CNST: variants seen among roughly 807,000 people sequenced by gnomAD.
CNST encodes the protein consortin.
In CNST, 39 loss-of-function variants were observed where a neutral mutation model predicts 72.4. The ratio of observed to expected loss-of-function variants is 0.54; its 90% CI spans 0.42 to 0.70. The LOEUF (loss-of-function observed/expected upper bound fraction) is 0.70. Among genes scored for constraint, CNST ranks in the 30% least tolerant of loss-of-function variants. The probability of loss-of-function intolerance (pLI) is 0.00; values close to 1 mark genes in which losing one functional copy is unlikely to be tolerated. For synonymous variants in CNST, 332 were observed against 320.1 expected (o/e 1.04, Z -0.40); for missense variants, 871 against 868.5 (o/e 1.00, Z -0.04).
chr1:246,616,387 G>GC (rs919049824), intron 2 of CNST, among the ~76,000 whole-genome samples: 8 of 151,590 alleles, frequency 5.3e-5, no homozygotes, highest in East Asian at 3.9e-4. Flanking sequence ...CACCCCCACT[G>GC]CCCCCCCAGA....
At chr1:246,662,120 AG>A (rs1361796519) in intron 10 of CNST, among the ~76,000 whole-genome samples, 7 of 152,226 alleles carry the variant, frequency 4.6e-5, no homozygotes, top group Admixed American at 2.6e-4. Context: ...CCTATTGAAA[AG>A]CGTGTCAGAT....
At chr1:246,571,499 A>G (rs964004887) in intron 1 of CNST, among the ~76,000 whole-genome samples, 2 of 152,236 alleles carry the variant, frequency 1.3e-5, no homozygotes, top group East Asian at 3.9e-4. Context: ...CATTTTGGAG[A>G]TGGAAACTTT....
At chr1:246,640,772 G>A (rs1035140074) in intron 6 of CNST, among the ~76,000 whole-genome samples, 1 of 152,032 alleles carries the variant, frequency 6.6e-6, no homozygotes. Flanking sequence ...CATGAGCATG[G>A]TGTCTTTATG....
rs142601412 is a variant in CNST, at chr1:246,575,225, C to T, written c.-52+8562C>T. 4.4e-3 allele frequency among the ~76,000 whole-genome samples: 667 copies of T among 152,236 alleles called. 3 individuals carry two copies. Among genetic ancestry groups the T allele is most frequent in the African/African-American group, 0.015 (638 of 41,528 alleles). ...GCCAGGCTGGTCTTGAACTCCTGAC[C>T]TCCTGACCTTTTGTCAAGTGTTCAG... is the stretch of plus-strand genomic sequence containing the variant. On this transcript the variant is annotated intron_variant, in intron 1 of 10. Coordinates refer to ENST00000366513, the MANE Select transcript of CNST (RefSeq NM_152609.3).
chr1:246,612,644 T>C (rs1187128512), intron 2 of CNST, among the ~76,000 whole-genome samples: 1 of 152,126 alleles, frequency 6.6e-6, no homozygotes, highest in Admixed American at 6.5e-5. Flanking sequence ...CCTAGCACTT[T>C]GGGAGGCCAA....
At chr1:246,661,939 C>T (rs1228899333) in intron 10 of CNST, among the ~76,000 whole-genome samples, 1 of 152,184 alleles carries the variant, frequency 6.6e-6, no homozygotes, top group Non-Finnish European at 1.5e-5. Flanking sequence ...GTGCTCACTT[C>T]TGTTTGCACT....
intron 2 of CNST, among the ~76,000 whole-genome samples, chr1:246,610,270 G>C (rs1324750188): frequency 6.6e-6 from 1 of 152,030 alleles, no homozygotes; most frequent in African/African-American, 2.4e-5. Flanking sequence ...AATGGAGCGA[G>C]ACTCCGTCGC....
chr1:246,644,388 C>CAAAAAA (rs58278885), intron 8 of CNST, among the ~76,000 whole-genome samples: 2 of 102,186 alleles, frequency 2.0e-5, no homozygotes, highest in Non-Finnish European at 1.9e-5. Flanking sequence ...ACTCTGTCTC[C>CAAAAAA]AAAAAAAAAA....
At position 246,647,811 on chromosome 1, in the gene CNST, A is replaced by G; in HGVS notation, c.1610A>G (p.Asp537Gly). ...GCCCCAGAGGAAAAGGGAGATAAAGACGACCAACTCAACAAAGAAACAGAA... is the reference window on the plus strand; with the variant it reads ...GCCCCAGAGGAAAAGGGAGATAAAGGCGACCAACTCAACAAAGAAACAGAA... ...CMAPEEKGDK[D>G]DQLNKETEDY... Residue 537 changes from aspartate to glycine, a missense_variant, in exon 9 of 11, where the codon GAC becomes GGC. By Grantham distance (94) the Asp-to-Gly change is moderately conservative. Coordinates refer to ENST00000366513, the MANE Select transcript of CNST (RefSeq NM_152609.3). 1.2e-6 allele frequency: 2 copies of G among 1,614,170 alleles called. No individual in the cohort carries two copies. Among genetic ancestry groups the G allele is most frequent in the South Asian group, 1.1e-5 (1 of 91,084 alleles).
chr1:246,612,124 G>A lies in CNST; in HGVS notation c.380-9305G>A, dbSNP rs75780599. 2.6e-5 allele frequency among the ~76,000 whole-genome samples: 4 copies of A among 152,326 alleles called. No homozygotes were observed. In the East Asian group the frequency reaches 7.7e-4, roughly 29 times the overall value. On this transcript the variant is annotated intron_variant, in intron 2 of 10. Coordinates refer to ENST00000366513, the MANE Select transcript of CNST (RefSeq NM_152609.3). ...GGGGAATGAAGAATTAGTATTTTAT[G>A]AGCACTGAGTTTCTCTTTGGGAATG...
intron 1 of CNST, among the ~76,000 whole-genome samples, chr1:246,585,664 TATACACACACACACACACACACAC>T (rs1265544340): frequency 0.032 from 1,281 of 39,624 alleles, 27 homozygotes; most frequent in South Asian, 0.054. Flanking sequence ...AAAAAAAAAA[TATACACACACACACACACACACAC>T]ACACACACAC....
chr1:246,644,873 C>T (rs1401823547), intron 8 of CNST, among the ~76,000 whole-genome samples: 1 of 152,174 alleles, frequency 6.6e-6, no homozygotes, highest in Non-Finnish European at 1.5e-5. Context: ...GGATGTGGCC[C>T]TCATTGCTCT....
chr1:246,627,447 C>CACAT (rs1664511958), intron 3 of CNST, among the ~76,000 whole-genome samples: 1 of 152,160 alleles, frequency 6.6e-6, no homozygotes, highest in Non-Finnish European at 1.5e-5. Flanking sequence ...TCTCAGGAAG[C>CACAT]CACTAGGTGA....
At position 246,591,733 on chromosome 1, in the gene CNST, G is replaced by C; in HGVS notation, c.171G>C (p.Ala57=). 1 of 1,614,194 alleles carries C rather than the reference G, an allele frequency of 6.2e-7. No individual in the cohort carries two copies. Residue 57 remains alanine (A), a synonymous_variant, in exon 2 of 11, where the codon GCG becomes GCC. Coordinates refer to ENST00000366513, the MANE Select transcript of CNST (RefSeq NM_152609.3). The part of the protein sequence containing the change: ...GHEHLTSSDS[A]MGKPQVSEQD... ...AGCATCTGACCAGCAGTGACAGTGC[G>C]ATGGGAAAGCCCCAAGTGTCTGAGC... is the stretch of plus-strand genomic sequence containing the variant.
chr1:246,593,001 T>C (rs1399512790), intron 2 of CNST, among the ~76,000 whole-genome samples: 2 of 152,224 alleles, frequency 1.3e-5, no homozygotes, highest in Non-Finnish European at 2.9e-5. Context: ...TACCACTTTT[T>C]ACCCAAGCCA....
intron 3 of CNST, among the ~76,000 whole-genome samples, chr1:246,626,443 G>A (rs1042422859): frequency 2.2e-5 from 3 of 135,290 alleles, no homozygotes; most frequent in African/African-American, 8.1e-5. Flanking sequence ...CAATCCTGTA[G>A]GTTTGTCCTT....
chr1:246,651,906 C>G (rs1666468238), intron 9 of CNST, among the ~76,000 whole-genome samples: 1 of 152,114 alleles, frequency 6.6e-6, no homozygotes, highest in African/African-American at 2.4e-5. Flanking sequence ...TTTATTCTCT[C>G]ATTCTGTAAT....
intron 4 of CNST, chr1:246,632,246 T>C (rs965958126): frequency 1.0e-5 from 3 of 294,280 alleles, no homozygotes; most frequent in Non-Finnish European, 1.9e-5. Context: ...CTCAACAGTG[T>C]ACATTTAACC....
intron 2 of CNST, among the ~76,000 whole-genome samples, chr1:246,611,319 A>G (rs913593601): frequency 1.3e-5 from 2 of 152,092 alleles, no homozygotes; most frequent in Non-Finnish European, 2.9e-5. Flanking sequence ...AGAAAGTTAC[A>G]TCTTATAGTT....
Sources: gnomAD v4.1 joint callset for allele counts (sites outside exome capture counted in the v4.1 genomes callset) on GRCh38, gnomAD v4.1.1 for gene constraint, MANE v1.5 for transcripts, NCBI Gene and HGNC (gene_info 2026-07-23, HGNC 2026-07-21) for gene names.